The following STK39 variants were observed in gnomAD, a reference collection of about 807,000 sequenced individuals.
STK39 encodes serine/threonine kinase 39.
A neutral mutation model predicts 77.8 loss-of-function variants in STK39; 20 were observed. The observed-to-expected ratio is 0.26, with a 90% confidence interval of 0.18 to 0.37. STK39 has a LOEUF of 0.37. STK39 is among the 10% of genes least tolerant of loss of function. The probability of loss-of-function intolerance (pLI) is 1.00; values close to 1 mark genes in which losing one functional copy is unlikely to be tolerated. For synonymous variants in STK39, 246 were observed against 234.1 expected, an observed-to-expected ratio of 1.05 and a Z score of -0.47; for missense variants, 479 against 656.5, an observed-to-expected ratio of 0.73 and a Z score of 2.95.
intron 1 of STK39, among the ~76,000 whole-genome samples, chr2:168,209,786 G>T (rs1689837806): frequency 6.6e-6 from 1 of 152,154 alleles, no homozygotes; most frequent in Non-Finnish European, 1.5e-5. Context: ...ATCACTTAAG[G>T]TCAGGAGTTC....
At chr2:168,217,920 G>A (rs868839505) in intron 1 of STK39, among the ~76,000 whole-genome samples, 1 of 152,098 alleles carries the variant, frequency 6.6e-6, no homozygotes, top group Non-Finnish European at 1.5e-5. Flanking sequence ...AGGGGAGGAA[G>A]AAAAAAGCAT....
At chr2:168,074,745 T>C (rs1172712782) in intron 12 of STK39, among the ~76,000 whole-genome samples, 1 of 152,200 alleles carries the variant, frequency 6.6e-6, no homozygotes, top group Non-Finnish European at 1.5e-5. Flanking sequence ...TTCTTATAAG[T>C]ACTGGGATCA....
At chr2:168,160,001 G>GT (rs1688529353) in intron 5 of STK39, among the ~76,000 whole-genome samples, 1 of 152,194 alleles carries the variant, frequency 6.6e-6, no homozygotes, top group Non-Finnish European at 1.5e-5. Context: ...CCAAAGGCCT[G>GT]TGATGGAAGG....
At chr2:168,159,257 G>C (rs1278282889) in intron 5 of STK39, among the ~76,000 whole-genome samples, 16 of 152,064 alleles carry the variant, frequency 1.1e-4, no homozygotes, top group Admixed American at 1.0e-3. Context: ...GATACAAAGG[G>C]GAAAGAGCAA....
intron 8 of STK39, among the ~76,000 whole-genome samples, chr2:168,132,087 T>C (rs749711352): frequency 2.6e-5 from 4 of 152,186 alleles, no homozygotes; most frequent in Non-Finnish European, 5.9e-5. Context: ...AGGGAACATG[T>C]AGTAGAAACA....
intron 1 of STK39, chr2:168,231,900 G>A (rs1690465321): frequency 4.2e-6 from 1 of 235,348 alleles, no homozygotes; most frequent in Non-Finnish European, 9.5e-6. Flanking sequence ...GATGTGGGGG[G>A]AGGAAGGGGC....
intron 10 of STK39, among the ~76,000 whole-genome samples, chr2:168,111,524 T>C (rs181002282): frequency 9.8e-5 from 15 of 152,336 alleles, no homozygotes; most frequent in Admixed American, 9.8e-4. Context: ...GCTGTCAGTC[T>C]AGTTATTATT....
chr2:168,170,871 G>A (rs138816651), intron 2 of STK39, among the ~76,000 whole-genome samples: 1 of 152,266 alleles, frequency 6.6e-6, no homozygotes, highest in East Asian at 1.9e-4. Context: ...ATTTCACAAG[G>A]ACAGAAAAGG....
intron 1 of STK39, among the ~76,000 whole-genome samples, chr2:168,221,019 G>A (rs943722210): frequency 6.6e-6 from 1 of 152,112 alleles, no homozygotes; most frequent in African/African-American, 2.4e-5. Flanking sequence ...CTTTTGCATT[G>A]CAGTAATTCA....
intron 8 of STK39, among the ~76,000 whole-genome samples, chr2:168,134,610 G>C (rs1196129814): frequency 1.3e-5 from 2 of 151,454 alleles, no homozygotes; most frequent in East Asian, 3.9e-4. Flanking sequence ...GGAATAGCAA[G>C]ATGTTCTGGT....
At chr2:168,079,989 C>T (rs1686185120) in intron 10 of STK39, among the ~76,000 whole-genome samples, 1 of 152,158 alleles carries the variant, frequency 6.6e-6, no homozygotes, top group South Asian at 2.1e-4. Flanking sequence ...GAGCAGGAGT[C>T]AGATCCCCAA....
intron 1 of STK39, among the ~76,000 whole-genome samples, chr2:168,216,120 G>A (rs1690019188): frequency 7.1e-6 from 1 of 140,950 alleles, no homozygotes; most frequent in African/African-American, 2.5e-5. Flanking sequence ...ACAGGAAACA[G>A]AGTTCAGATA....
Position 168,118,934 on chromosome 2 carries a change from T to C in STK39, c.1089+10607A>G, listed in dbSNP as rs192181223. On this transcript the variant is annotated intron_variant, in intron 10 of 17. Transcript: ENST00000355999. The stretch of plus-strand genomic sequence containing the variant: ...CAAAGAATTTAAAATAAAAAAGCAG[T>C]GAAAACACCAATGAGCTCACACTCT... Among the ~76,000 whole-genome samples, 14 of 152,244 alleles carry C rather than the reference T, an allele frequency of 9.2e-5. No homozygotes were observed. The East Asian group carries it at 2.7e-3, about 29-fold the overall frequency.
intron 15 of STK39, among the ~76,000 whole-genome samples, chr2:168,016,166 G>C (rs144990588): frequency 0.036 from 5,428 of 152,100 alleles, 347 homozygotes; most frequent in African/African-American, 0.12. Flanking sequence ...AGCCTCAAGT[G>C]ATCCACCCAC....
At chr2:168,015,808 C>A (rs975655233) in intron 15 of STK39, among the ~76,000 whole-genome samples, 29 of 152,082 alleles carry the variant, frequency 1.9e-4, no homozygotes, top group Non-Finnish European at 3.8e-4. Context: ...TATATTATGA[C>A]AAAATAGATA....
chr2:168,210,015 G>A (rs1263034029), intron 1 of STK39, among the ~76,000 whole-genome samples: 6 of 95,082 alleles, frequency 6.3e-5, no homozygotes, highest in Admixed American at 2.4e-4. Context: ...AAAAAAAATA[G>A]GAAAGAAAGG....
chr2:168,225,507 A>T (rs1690281486), intron 1 of STK39, among the ~76,000 whole-genome samples: 1 of 152,050 alleles, frequency 6.6e-6, no homozygotes, highest in South Asian at 2.1e-4. Context: ...GCAAGACCAG[A>T]CCATATCTCA....
chr2:168,064,231 A>T (rs1489807841), intron 13 of STK39, among the ~76,000 whole-genome samples: 1 of 152,194 alleles, frequency 6.6e-6, no homozygotes, highest in Admixed American at 6.5e-5. Context: ...AATGATATAG[A>T]TGAAAGTGAG....
chr2:167,995,256 C>T (rs1464788405), intron 16 of STK39, among the ~76,000 whole-genome samples: 1 of 151,882 alleles, frequency 6.6e-6, no homozygotes, highest in African/African-American at 2.4e-5. Context: ...ACTACAGGCA[C>T]ACGACACCAC....
Sources: allele counts gnomAD v4.1 joint callset (sites outside exome capture counted in the v4.1 genomes callset), GRCh38; gene constraint gnomAD v4.1.1; transcripts MANE v1.5; gene names NCBI Gene and HGNC (gene_info 2026-07-23, HGNC 2026-07-21).